CCM2: variants seen among roughly 807,000 people sequenced by gnomAD.
CCM2 encodes cerebral cavernous malformations 2 protein.
CCM2 carries 25 observed loss-of-function variants against 44.9 expected under a neutral mutation model. The observed-to-expected ratio is 0.56, with a 90% confidence interval of 0.41 to 0.78. The LOEUF (loss-of-function observed/expected upper bound fraction) is 0.78, where lower values mean the gene tolerates loss of function less well. CCM2 is among the 30% of genes least tolerant of loss of function. CCM2 has a pLI of 0.00. For missense variants in CCM2, 481 were observed against 580.6 expected (o/e 0.83, Z 1.76); for synonymous variants, 219 against 241.1 (o/e 0.91, Z 0.85).
chr7:45,061,741 A>G (rs1312790165), intron 2 of CCM2, among the ~76,000 whole-genome samples: 2 of 152,078 alleles, frequency 1.3e-5, no homozygotes, highest in East Asian at 3.9e-4. Flanking sequence ...CGCCTTGGCC[A>G]TCCAAAGTCC....
chr7:45,011,291 A>C (rs6463260), intron 1 of CCM2, among the ~76,000 whole-genome samples: 131,618 of 151,826 alleles, frequency 0.87, 57,337 homozygotes, highest in African/African-American at 0.96. Flanking sequence ...CTGCCTCCCA[A>C]GTTCTAGTTA....
chr7:45,035,734 C>T (rs1248130188), intron 1 of CCM2, among the ~76,000 whole-genome samples: 1 of 151,840 alleles, frequency 6.6e-6, no homozygotes, highest in African/African-American at 2.4e-5. Context: ...GTTGGGGGCA[C>T]GAATGAAGAG....
intron 1 of CCM2, among the ~76,000 whole-genome samples, chr7:45,013,006 CATT>C (rs1796125516): frequency 6.6e-6 from 1 of 152,086 alleles, no homozygotes; most frequent in African/African-American, 2.4e-5. Flanking sequence ...TAATTGATGT[CATT>C]ATGTTTAAGT....
intron 5 of CCM2, among the ~76,000 whole-genome samples, chr7:45,069,243 C>T (rs369994186): frequency 2.0e-5 from 3 of 152,214 alleles, no homozygotes; most frequent in East Asian, 1.9e-4. Flanking sequence ...CATTTTTAGC[C>T]GGATAATTTT....
intron 6 of CCM2, chr7:45,072,428 C>T (rs1160176603): frequency 3.7e-6 from 2 of 537,964 alleles, no homozygotes; most frequent in Non-Finnish European, 6.7e-6. Context: ...ATGAGTGATA[C>T]CTCAAAGACA....
At chr7:45,050,659 T>G (rs1797959966) in intron 2 of CCM2, among the ~76,000 whole-genome samples, 3 of 152,268 alleles carry the variant, frequency 2.0e-5, no homozygotes, top group African/African-American at 4.8e-5. Flanking sequence ...TCTTTCAGAC[T>G]ACCTTTCTAG....
chr7:45,073,822 C>A (rs1799208970), intron 8 of CCM2: 1 of 570,174 alleles, frequency 1.8e-6, no homozygotes, highest in Admixed American at 3.2e-5. Flanking sequence ...GTGCTTGGGT[C>A]CTGGGGGAGG....
chr7:45,005,148 C>G (rs1795795751), intron 1 of CCM2, among the ~76,000 whole-genome samples: 1 of 152,126 alleles, frequency 6.6e-6, no homozygotes, highest in African/African-American at 2.4e-5. Flanking sequence ...TGGATGGCAA[C>G]TTGGTAACTC....
At chr7:45,039,162 G>A (rs989057355) in intron 2 of CCM2, among the ~76,000 whole-genome samples, 1 of 152,166 alleles carries the variant, frequency 6.6e-6, no homozygotes, top group African/African-American at 2.4e-5. Context: ...ACCTGGCTCA[G>A]CCAGATGATT....
At chr7:45,063,771 A>T in intron 2 of CCM2, 147 bp from the exon 3 acceptor site, 1 of 688,680 alleles carries the variant, frequency 1.5e-6, no homozygotes, top group South Asian at 1.5e-5. Flanking sequence ...CTCTTCCTAG[A>T]GTTGGGCCTC....
chr7:45,067,337 A>G (rs1798832205), intron 4 of CCM2, among the ~76,000 whole-genome samples: 1 of 148,224 alleles, frequency 6.7e-6, no homozygotes, highest in Non-Finnish European at 1.5e-5. Context: ...ATTTTTTTGT[A>G]TTTTTAGTAG....
At position 45,073,447 on chromosome 7, in the gene CCM2, CA is replaced by C. The variant is rs533909649; in HGVS notation, c.804-12del. 1,133 of 1,605,434 alleles carry C rather than the reference CA, an allele frequency of 7.1e-4. 3 individuals are homozygous for C. In the African/African-American group the frequency reaches 0.014, roughly 19 times the overall value. ...GGGGAAGCCACCCGCTCACATACCACATTCTTTCGCAGCTGCTTCCCTGAAT... is the reference window on the plus strand; with the variant it reads ...GGGGAAGCCACCCGCTCACATACCACTTCTTTCGCAGCTGCTTCCCTGAAT... On this transcript the variant is annotated splice_polypyrimidine_tract_variant and intron_variant, in intron 7 of 9. Transcript: ENST00000258781.
chr7:45,016,531 T>C (rs1796272127), intron 1 of CCM2, among the ~76,000 whole-genome samples: 1 of 151,560 alleles, frequency 6.6e-6, no homozygotes, highest in Non-Finnish European at 1.5e-5. Context: ...GGTTTCATTA[T>C]ATTGGTCAGG....
intron 2 of CCM2, among the ~76,000 whole-genome samples, chr7:45,058,298 A>G (rs1322017737): frequency 1.3e-5 from 2 of 152,058 alleles, no homozygotes; most frequent in African/African-American, 2.4e-5. Flanking sequence ...ACTTTTTGCC[A>G]TTAAGTATGA....
intron 1 of CCM2, among the ~76,000 whole-genome samples, chr7:45,004,529 T>C (rs978711732): frequency 6.7e-6 from 1 of 149,210 alleles, no homozygotes; most frequent in Non-Finnish European, 1.5e-5. Flanking sequence ...TGTGAGGAAC[T>C]GAAAGCTTGG....
At chr7:45,056,012 AT>A (rs571709415) in intron 2 of CCM2, among the ~76,000 whole-genome samples, 5 of 152,210 alleles carry the variant, frequency 3.3e-5, no homozygotes, top group Non-Finnish European at 7.3e-5. Flanking sequence ...ATGTGTCAGC[AT>A]TTCCATTGCT....
intron 1 of CCM2, among the ~76,000 whole-genome samples, chr7:45,028,951 G>A (rs1442986166): frequency 1.3e-5 from 2 of 152,158 alleles, no homozygotes; most frequent in Non-Finnish European, 2.9e-5. Flanking sequence ...TGCACCTTAG[G>A]CAGTGTGATT....
chr7:45,070,094 A>G (rs1798989542), intron 6 of CCM2, 133 bp downstream of exon 6: 1 of 1,187,198 alleles, frequency 8.4e-7, no homozygotes, highest in Non-Finnish European at 1.2e-6. Context: ...TTGTTTCCAG[A>G]CTTTGCTGTT....
intron 1 of CCM2, among the ~76,000 whole-genome samples, chr7:45,009,290 G>A (rs1183752666): frequency 1.0e-5 from 1 of 97,258 alleles, no homozygotes; most frequent in African/African-American, 4.8e-5. Context: ...GACAGAGGGA[G>A]CCTCTGTCTC....
Sources: allele counts gnomAD v4.1 joint callset (sites outside exome capture counted in the v4.1 genomes callset), GRCh38; gene constraint gnomAD v4.1.1; transcripts MANE v1.5; gene names NCBI Gene and HGNC (gene_info 2026-07-23, HGNC 2026-07-21).